Variants in ZFAND3 observed in about 807,000 individuals in gnomAD.
ZFAND3 encodes the protein AN1-type zinc finger protein 3.
In ZFAND3, 10 loss-of-function variants were observed where a neutral mutation model predicts 29.6. That is an observed-to-expected ratio of 0.34 (90% CI 0.21 to 0.57). The LOEUF is 0.57. Among genes scored for constraint, ZFAND3 ranks in the 20% least tolerant of loss-of-function variants. The probability of loss-of-function intolerance (pLI) is 0.86; values close to 1 mark genes in which losing one functional copy is unlikely to be tolerated. For missense variants in ZFAND3, 230 were observed against 304.5 expected, an observed-to-expected ratio of 0.76 and a Z score of 1.82; for synonymous variants, 128 against 112.6, an observed-to-expected ratio of 1.14 and a Z score of -0.87.
At chr6:38,012,964 A>C (rs997942747) in intron 2 of ZFAND3, among the ~76,000 whole-genome samples, 1 of 152,176 alleles carries the variant, frequency 6.6e-6, no homozygotes, top group Non-Finnish European at 1.5e-5. Context: ...GTTACCTTAA[A>C]TATCAACATT....
Position 37,912,030 on chromosome 6 carries a change from CTGTGTGTGTG to C in ZFAND3, c.72-17896_72-17887del, listed in dbSNP as rs59017250. Among the ~76,000 whole-genome samples the C allele has an allele frequency of 8.1e-3, 1,132 of 139,794 alleles. 8 individuals carry two copies. The highest frequency in any genetic ancestry group is 0.014 in the Middle Eastern group (4 of 282). The allele number at this position is 139,794 out of a possible 152,430, so 91.7% of individuals were successfully genotyped here. On this transcript the variant is annotated intron_variant, in intron 1 of 5. Transcript: ENST00000287218. Reference sequence around the variant, plus strand: ...GATCTGTCTTCTGCCAGTCTTTTATCTGTGTGTGTGTGTGTGTGTGTGTGTGTGTGTGTGT... The same window carrying C: ...GATCTGTCTTCTGCCAGTCTTTTATCTGTGTGTGTGTGTGTGTGTGTGTGT...
In ZFAND3 at chr6:38,140,475, A is replaced by G. The variant is rs536919828; in HGVS notation, c.530-11760A>G. 2.6e-5 allele frequency among the ~76,000 whole-genome samples: 4 copies of G among 151,778 alleles called. No homozygotes were observed. In the East Asian group the frequency reaches 7.7e-4, roughly 29 times the overall value. On this transcript the variant is annotated intron_variant, in intron 5 of 5. Transcript: ENST00000287218. The stretch of plus-strand genomic sequence containing the variant: ...AGGGTCATTAGATTTAGTGATTTTC[A>G]GGCTCCATTCGTAGGGTGTTTTGTT...
In ZFAND3 at chr6:37,997,819, C is replaced by G. The variant is rs201138292; in HGVS notation, c.113-63774C>G. Among the ~76,000 whole-genome samples, 5 of 152,274 alleles carry G rather than the reference C, an allele frequency of 3.3e-5. No homozygotes were observed. The East Asian group carries it at 5.8e-4, about 18-fold the overall frequency. On this transcript the variant is annotated intron_variant, in intron 2 of 5. Transcript: ENST00000287218. Reference sequence around the variant, plus strand: ...GGTCCGTCAGCTTTGAAAAGAGTGGCTAGCACATGTGCAATTAAAATTGTG... The same window carrying G: ...GGTCCGTCAGCTTTGAAAAGAGTGGGTAGCACATGTGCAATTAAAATTGTG...
At chr6:38,122,283 A>G (rs147755933) in intron 5 of ZFAND3, among the ~76,000 whole-genome samples, 51 of 152,306 alleles carry the variant, frequency 3.3e-4, no homozygotes, top group African/African-American at 1.2e-3. Context: ...TCTCTAGATT[A>G]CCTAGAATAC....
chr6:38,132,399 T>G (rs1212074129), intron 5 of ZFAND3, among the ~76,000 whole-genome samples: 4 of 152,196 alleles, frequency 2.6e-5, no homozygotes, highest in African/African-American at 9.6e-5. Context: ...TCCTAACTAC[T>G]CAGAGGCTGA....
At chr6:37,968,619 A>G (rs1194762004) in intron 2 of ZFAND3, among the ~76,000 whole-genome samples, 1 of 152,158 alleles carries the variant, frequency 6.6e-6, no homozygotes, top group Non-Finnish European at 1.5e-5. Flanking sequence ...GGGTTGGCAC[A>G]CTCATTCCCA....
chr6:37,827,452 T>C (rs1217130959), intron 1 of ZFAND3, among the ~76,000 whole-genome samples: 1 of 152,206 alleles, frequency 6.6e-6, no homozygotes, highest in Non-Finnish European at 1.5e-5. Context: ...TTTATGACTT[T>C]TGTGGAGGAA....
At chr6:38,094,299 C>CTT (rs913581595) in intron 4 of ZFAND3, among the ~76,000 whole-genome samples, 5 of 151,702 alleles carry the variant, frequency 3.3e-5, no homozygotes, top group African/African-American at 1.2e-4. Context: ...CAAAGTAACA[C>CTT]TTTCCATGGG....
chr6:38,008,216 A>C (rs1004251940), intron 2 of ZFAND3, among the ~76,000 whole-genome samples: 4 of 152,184 alleles, frequency 2.6e-5, no homozygotes, highest in African/African-American at 7.2e-5. Flanking sequence ...AGCAATTAAG[A>C]CTAGCCTTAA....
chr6:37,981,764 A>G (rs1288826488), intron 2 of ZFAND3, among the ~76,000 whole-genome samples: 1 of 152,182 alleles, frequency 6.6e-6, no homozygotes, highest in African/African-American at 2.4e-5. Flanking sequence ...ATAAGTCTCA[A>G]TTTAGGAAGT....
chr6:38,106,881 G>A (rs1257120048), intron 4 of ZFAND3, among the ~76,000 whole-genome samples: 1 of 152,120 alleles, frequency 6.6e-6, no homozygotes, highest in Non-Finnish European at 1.5e-5. Flanking sequence ...GACATTAATC[G>A]AGAAGCCTAT....
At chr6:37,934,596 C>T (rs1761661573) in intron 2 of ZFAND3, among the ~76,000 whole-genome samples, 1 of 150,342 alleles carries the variant, frequency 6.7e-6, no homozygotes, top group South Asian at 2.1e-4. Context: ...CTTTGGGAGG[C>T]CCCAGGTGGG....
chr6:38,140,602 G>T (rs922033823), intron 5 of ZFAND3, among the ~76,000 whole-genome samples: 1 of 152,140 alleles, frequency 6.6e-6, no homozygotes. Flanking sequence ...TGATCCTCCT[G>T]CCTCAGCCCC....
At chr6:37,930,798 A>G (rs1395531143) in intron 2 of ZFAND3, among the ~76,000 whole-genome samples, 1 of 152,224 alleles carries the variant, frequency 6.6e-6, no homozygotes, top group Non-Finnish European at 1.5e-5. Flanking sequence ...TAATTAGGAT[A>G]TGTTTAACTT....
At chr6:38,075,893 A>G (rs1764544599) in intron 3 of ZFAND3, among the ~76,000 whole-genome samples, 1 of 152,028 alleles carries the variant, frequency 6.6e-6, no homozygotes, top group Non-Finnish European at 1.5e-5. Context: ...CTGAGACTAC[A>G]GGCGCCCGCC....
intron 1 of ZFAND3, among the ~76,000 whole-genome samples, chr6:37,904,797 C>T (rs1001288394): frequency 2.6e-5 from 4 of 152,094 alleles, no homozygotes; most frequent in Non-Finnish European, 5.9e-5. Context: ...ATATTCACAG[C>T]GCCTAGAACA....
intron 3 of ZFAND3, among the ~76,000 whole-genome samples, chr6:38,072,624 ATT>A (rs60608109): frequency 3.3e-5 from 5 of 152,232 alleles, no homozygotes; most frequent in Non-Finnish European, 7.4e-5. Context: ...TCTAAGCTTT[ATT>A]TATGACAAAA....
At chr6:38,070,029 A>G (rs1205945335) in intron 3 of ZFAND3, among the ~76,000 whole-genome samples, 1 of 152,236 alleles carries the variant, frequency 6.6e-6, no homozygotes, top group Non-Finnish European at 1.5e-5. Context: ...CGTCACCACC[A>G]TCAATCACCA....
At chr6:37,858,368 A>C (rs1406157677) in intron 1 of ZFAND3, among the ~76,000 whole-genome samples, 8 of 152,226 alleles carry the variant, frequency 5.3e-5, no homozygotes, top group African/African-American at 1.9e-4. Flanking sequence ...TCAAGACTTC[A>C]CCAGAATGCC....
Sources: allele counts gnomAD v4.1 joint callset (sites outside exome capture counted in the v4.1 genomes callset), GRCh38; gene constraint gnomAD v4.1.1; transcripts MANE v1.5; gene names NCBI Gene and HGNC (gene_info 2026-07-23, HGNC 2026-07-21).